Variants in PIAS1 observed in about 807,000 individuals in gnomAD.
PIAS1 encodes E3 SUMO-protein ligase PIAS1.
Under a neutral mutation model 71.3 loss-of-function variants are expected in PIAS1, and 6 were observed. The observed-to-expected ratio is 0.08, with a 90% confidence interval of 0.05 to 0.17. The LOEUF (loss-of-function observed/expected upper bound fraction) is 0.17. PIAS1 is among the 10% of genes least tolerant of loss of function. The pLI, the probability that PIAS1 is intolerant of heterozygous loss-of-function variation, is 1.00. For missense variants in PIAS1, 555 were observed against 793.6 expected (o/e 0.70, Z 3.61); for synonymous variants, 303 against 292.9 (o/e 1.03, Z -0.35).
At chr15:68,183,902 TCA>T (rs1030242850) in intron 13 of PIAS1, 1 of 363,864 alleles carries the variant, frequency 2.7e-6, no homozygotes. Context: ...TGTAAAAGTA[TCA>T]CACGTATAAT....
At chr15:68,088,675 CA>C (rs1444491321) in intron 2 of PIAS1, among the ~76,000 whole-genome samples, 1 of 151,958 alleles carries the variant, frequency 6.6e-6, no homozygotes, top group East Asian at 1.9e-4. Context: ...TGTTGAAGGG[CA>C]ATGCTTATTG....
At position 68,133,656 on chromosome 15, in the gene PIAS1, T is replaced by G. The variant is rs192490077; in HGVS notation, c.470-8290T>G. On this transcript the variant is annotated intron_variant, in intron 2 of 13. Transcript: ENST00000249636. ...ATGGTGTTAGTGTAACAGTAAGCAA[T>G]TTGGAGTACTGAAATTTAGATTTTT... 2.6e-4 allele frequency among the ~76,000 whole-genome samples: 39 copies of G among 152,186 alleles called. 1 individual carries two copies. The East Asian group carries it at 3.3e-3, about 13-fold the overall frequency.
intron 1 of PIAS1, among the ~76,000 whole-genome samples, chr15:68,071,050 A>T (rs1280029123): frequency 6.6e-6 from 1 of 152,030 alleles, no homozygotes; most frequent in Non-Finnish European, 1.5e-5. Context: ...GTAGAATGGG[A>T]ATTAGGTGGG....
chr15:68,093,181 T>G (rs2092346530), intron 2 of PIAS1, among the ~76,000 whole-genome samples: 1 of 152,256 alleles, frequency 6.6e-6, no homozygotes, highest in South Asian at 2.1e-4. Flanking sequence ...AAATAGCAAC[T>G]TGGCTTTATC....
chr15:68,139,854 T>C (rs2092758489), intron 2 of PIAS1, among the ~76,000 whole-genome samples: 2 of 152,218 alleles, frequency 1.3e-5, no homozygotes, highest in Admixed American at 6.5e-5. Context: ...GGTCATTGTT[T>C]TGGATGATTT....
In PIAS1 at chr15:68,145,924, T is replaced by A. The variant is rs2092804755; in HGVS notation, c.693+18T>A. The A allele has an allele frequency of 7.1e-7, 1 of 1,405,928 alleles. No individual in the cohort carries two copies. Among genetic ancestry groups the A allele is most frequent in the Non-Finnish European group, 1.0e-6 (1 of 992,134 alleles). 87.1% of individuals were successfully genotyped at this position (1,405,928 alleles called of 1,614,324 possible). A position where few individuals can be genotyped will look rare whatever the true frequency, so the allele number is the denominator to read the frequency against. On this transcript the variant is annotated intron_variant, in intron 5 of 13. Transcript: ENST00000249636. ...GCCTTCCAGTAAGTCCTAAGAGCTG[T>A]TTTTTAAAATTCATTGCCAACATAA...
At chr15:68,106,726 G>A (rs1373378406) in intron 2 of PIAS1, among the ~76,000 whole-genome samples, 1 of 152,152 alleles carries the variant, frequency 6.6e-6, no homozygotes, top group Non-Finnish European at 1.5e-5. Context: ...CTATAAAGCA[G>A]AAGAAAATAG....
At chr15:68,176,370 C>G in intron 10 of PIAS1, 104 bp from the exon 11 acceptor site, 2 of 664,852 alleles carry the variant, frequency 3.0e-6, no homozygotes, top group Middle Eastern at 5.4e-4. Context: ...CTGGCTCCAA[C>G]AATATTGTGA....
At chr15:68,061,763 A>G (rs1285784071) in intron 1 of PIAS1, among the ~76,000 whole-genome samples, 2 of 152,228 alleles carry the variant, frequency 1.3e-5, no homozygotes, top group Non-Finnish European at 1.5e-5. Context: ...ATGGCTTTCT[A>G]TCGAAAACTG....
chr15:68,187,956 C>A lies in PIAS1; in HGVS notation c.*121C>A. The A allele has an allele frequency of 1.1e-6, 1 of 905,780 alleles. No individual in the cohort carries two copies. The allele number at this position is 905,780 out of a possible 1,614,324, so 56.1% of individuals were successfully genotyped here. On this transcript the variant is annotated 3_prime_UTR_variant, in exon 14 of 14. Transcript: ENST00000249636. This position sits in a 1 kb window ranked among gnomAD's most constrained non-coding sequence, Gnocchi z 5.3. The stretch of plus-strand genomic sequence containing the variant: ...AAAAGTATACAAGCGTGTTTTTTTT[C>A]CTTTTTTTAGGGAAAAAATTAAAAG...
chr15:68,161,263 C>T (rs771675228), intron 7 of PIAS1, among the ~76,000 whole-genome samples: 4 of 152,140 alleles, frequency 2.6e-5, no homozygotes, highest in Admixed American at 1.3e-4. Context: ...ATTTGTATGC[C>T]GAAAACTACA....
chr15:68,083,000 G>A (rs2092242548), intron 1 of PIAS1, among the ~76,000 whole-genome samples: 1 of 152,102 alleles, frequency 6.6e-6, no homozygotes, highest in Admixed American at 6.5e-5. Flanking sequence ...ATACAGTTCT[G>A]AGGCATTCTA....
At chr15:68,149,051 C>G (rs2092827985) in intron 6 of PIAS1, among the ~76,000 whole-genome samples, 1 of 151,950 alleles carries the variant, frequency 6.6e-6, no homozygotes, top group African/African-American at 2.4e-5. Flanking sequence ...AGAGGAAACA[C>G]TGGAAAAGGA....
At chr15:68,175,345 A>G (rs1042723502) in intron 9 of PIAS1, among the ~76,000 whole-genome samples, 1 of 152,232 alleles carries the variant, frequency 6.6e-6, no homozygotes, top group Non-Finnish European at 1.5e-5. Context: ...TCATGAAGGT[A>G]TCACCCAGAG....
chr15:68,191,289 C>T lies in PIAS1; in HGVS notation c.*3454C>T, dbSNP rs529974242. 7 of 152,626 alleles carry T rather than the reference C, an allele frequency of 4.6e-5. No individual in the cohort carries two copies. Among genetic ancestry groups the T allele is most frequent in the East Asian group, 3.9e-4 (2 of 5,186 alleles). The allele number at this position is 152,626 out of a possible 1,614,324, so 9.5% of individuals were successfully genotyped here. A position where few individuals can be genotyped will look rare whatever the true frequency, so the allele number is the denominator to read the frequency against. On this transcript the variant is annotated 3_prime_UTR_variant, in exon 14 of 14. Coordinates refer to ENST00000249636, the MANE Select transcript of PIAS1 (RefSeq NM_016166.3). ...ACTTTCTCTCTTAGAATTTCCATAC[C>T]GCATGCCAAACCAGTAAAATGGCTT... is the stretch of plus-strand genomic sequence containing the variant.
intron 2 of PIAS1, among the ~76,000 whole-genome samples, chr15:68,107,804 A>G (rs1211097667): frequency 6.6e-6 from 1 of 152,130 alleles, no homozygotes; most frequent in Non-Finnish European, 1.5e-5. Flanking sequence ...AAGAAAAAAA[A>G]AAACTCTAAA....
chr15:68,063,379 A>G (rs1188349265), intron 1 of PIAS1, among the ~76,000 whole-genome samples: 3 of 152,184 alleles, frequency 2.0e-5, no homozygotes, highest in South Asian at 2.1e-4. Context: ...TTTTTCTCAT[A>G]TGTTAAAATC....
chr15:68,092,632 A>G (rs571815208), intron 2 of PIAS1, among the ~76,000 whole-genome samples: 3 of 152,186 alleles, frequency 2.0e-5, no homozygotes, highest in Non-Finnish European at 4.4e-5. Flanking sequence ...GGCCTTTAGC[A>G]GGTGATTAGG....
intron 8 of PIAS1, among the ~76,000 whole-genome samples, chr15:68,172,633 G>GGTTATTGAA (rs1330077643): frequency 1.1e-4 from 17 of 152,280 alleles, no homozygotes; most frequent in Non-Finnish European, 2.4e-4. Flanking sequence ...CAAATAATGT[G>GGTTATTGAA]GTTATTGAAA....
Sources: gnomAD v4.1 joint callset for allele counts (sites outside exome capture counted in the v4.1 genomes callset) on GRCh38, gnomAD v4.1.1 for gene constraint, Gnocchi (gnomAD v3.1) non-coding constraint, MANE v1.5 for transcripts, NCBI Gene and HGNC (gene_info 2026-07-23, HGNC 2026-07-21) for gene names.